GPR143: variants seen among roughly 807,000 people sequenced by gnomAD.
GPR143 encodes the protein G-protein coupled receptor 143.
Under a neutral mutation model 27.6 loss-of-function variants are expected in GPR143, and 8 were observed. That is an observed-to-expected ratio of 0.29 (90% CI 0.17 to 0.52). The LOEUF is 0.52. Among genes scored for constraint, GPR143 ranks in the 20% least tolerant of loss-of-function variants. GPR143 has a pLI of 0.96. For synonymous variants in GPR143, 156 were observed against 153.2 expected, an observed-to-expected ratio of 1.02 and a Z score of -0.13; for missense variants, 303 against 343.1, an observed-to-expected ratio of 0.88 and a Z score of 0.92.
rs144226732 is a variant in GPR143, at chrX:9,760,769, G to A, written c.308C>T (p.Ser103Leu). ...CCAAATTTCCGTGTGGTTCATATCC[G>A]AGACGCTGTCAACAAAATTTGGGAA... is the stretch of plus-strand genomic sequence containing the variant. Reference protein sequence around the residue: ...LGFPNFVDSVSDMNHTEIWPA... With the variant: ...LGFPNFVDSVLDMNHTEIWPA... The change falls in exon 2 of 9, where the codon TCG becomes TTG. Residue 103 changes from serine (S) to leucine (L), a missense_variant. Physicochemically the swap from Ser to Leu is moderately radical, Grantham distance 145 (BLOSUM62 -2). Coordinates refer to ENST00000467482, the MANE Select transcript of GPR143 (RefSeq NM_000273.3). 16 of 1,197,593 alleles carry A rather than the reference G, an allele frequency of 1.3e-5. No homozygotes were observed. Among genetic ancestry groups the A allele is most frequent in the East Asian group, 1.2e-4 (4 of 33,664 alleles).
chrX:9,751,370 T>C (rs901864938), intron 3 of GPR143, among the ~76,000 whole-genome samples: 3 of 112,563 alleles, frequency 2.7e-5, no homozygotes, highest in Non-Finnish European at 5.6e-5. Flanking sequence ...GGTGGAGACA[T>C]GTACTGGACC....
intron 8 of GPR143, among the ~76,000 whole-genome samples, chrX:9,736,607 A>G (rs2083380512): frequency 9.0e-6 from 1 of 111,434 alleles, no homozygotes; most frequent in Non-Finnish European, 1.9e-5. Context: ...ACTTTTGCAG[A>G]TGTTTGTTGT....
At chrX:9,726,060 T>C in intron 8 of GPR143, 1 of 631,577 alleles carries the variant, frequency 1.6e-6, no homozygotes, top group South Asian at 8.3e-5. Context: ...ATTAAATCAT[T>C]ACAACGGATG....
At chrX:9,776,863 C>A (rs2083572553) in intron 1 of GPR143, among the ~76,000 whole-genome samples, 2 of 111,495 alleles carry the variant, frequency 1.8e-5, no homozygotes, top group African/African-American at 6.5e-5. Flanking sequence ...CACCACCATG[C>A]CTGGCTAATT....
chrX:9,760,969 G>A, intron 1 of GPR143, 143 bp from the exon 2 acceptor site: 4 of 433,628 alleles, frequency 9.2e-6, no homozygotes, highest in Admixed American at 3.5e-5. Flanking sequence ...GAGGGAGGGA[G>A]AGAGGGAGGG....
chrX:9,754,532 C>T (rs2083465261), intron 3 of GPR143, among the ~76,000 whole-genome samples: 3 of 111,785 alleles, frequency 2.7e-5, no homozygotes, highest in South Asian at 7.5e-4. Context: ...AAACCCACAC[C>T]GGGGCAGAAG....
chrX:9,753,674 G>A (rs780551833), intron 3 of GPR143, among the ~76,000 whole-genome samples: 11 of 111,258 alleles, frequency 9.9e-5, no homozygotes, highest in Admixed American at 4.8e-4. Flanking sequence ...GGCCCTCACA[G>A]CCCCCCAGCG....
Position 9,725,675 on chromosome X carries a change from G to A in GPR143, c.*71C>T. On this transcript the variant is annotated 3_prime_UTR_variant, in exon 9 of 9. Transcript: ENST00000467482. ...CGGCAGTGCAGTGTTGGGAAGGTGA[G>A]AACACAGTTCTAAAGAACAAGAATT... 1.2e-6 allele frequency: 1 copy of A among 823,002 alleles called. No individual in the cohort carries two copies. The highest frequency in any genetic ancestry group is 1.8e-6 in the Non-Finnish European group (1 of 550,284). The allele number at this position is 823,002 out of a possible 1,213,427, so 67.8% of individuals were successfully genotyped here. A position where few individuals can be genotyped will look rare whatever the true frequency, so the allele number is the denominator to read the frequency against.
intron 1 of GPR143, among the ~76,000 whole-genome samples, chrX:9,778,134 G>A (rs147241194): frequency 2.4e-3 from 263 of 111,765 alleles, no homozygotes; most frequent in African/African-American, 8.2e-3. Context: ...TGAAGCAAGC[G>A]GCTTACAAGA....
At chrX:9,759,846 C>T (rs1236470376) in intron 2 of GPR143, among the ~76,000 whole-genome samples, 2 of 111,026 alleles carry the variant, frequency 1.8e-5, no homozygotes, top group Non-Finnish European at 3.8e-5. Flanking sequence ...CAAGATGTCT[C>T]GCCACTGCGG....
At chrX:9,753,572 A>T (rs970774369) in intron 3 of GPR143, among the ~76,000 whole-genome samples, 1 of 111,000 alleles carries the variant, frequency 9.0e-6, no homozygotes, top group African/African-American at 3.3e-5. Flanking sequence ...ATCCTCTGGC[A>T]TGGAAGCGAA....
At chrX:9,743,882 A>T (rs1282650087) in intron 5 of GPR143, among the ~76,000 whole-genome samples, 1 of 112,789 alleles carries the variant, frequency 8.9e-6, no homozygotes, top group Non-Finnish European at 1.9e-5. Context: ...CTGCTTTGAA[A>T]TAATTTTAGA....
chrX:9,764,545 G>C (rs959831021), intron 1 of GPR143, among the ~76,000 whole-genome samples: 15 of 106,091 alleles, frequency 1.4e-4, no homozygotes, highest in African/African-American at 3.5e-4. Context: ...CACACACACA[G>C]AGCGAGACAG....
In GPR143 at chrX:9,726,570, T is replaced by C. The variant is rs540794375; in HGVS notation, c.1121-730A>G. Among the ~76,000 whole-genome samples, 3 of 112,235 alleles carry C rather than the reference T, an allele frequency of 2.7e-5. No homozygotes were observed. In the Admixed American group the frequency reaches 2.8e-4, roughly 11 times the overall value. On this transcript the variant is annotated intron_variant, in intron 8 of 8. Transcript: ENST00000467482. ...TATTTTTGTAAATACCAGAATATAT[T>C]TGTCCAAATATGCTCAGCATTCCCT...
chrX:9,760,574 A>G, intron 2 of GPR143, 143 bp downstream of exon 2: 1 of 472,892 alleles, frequency 2.1e-6, no homozygotes, highest in Admixed American at 3.1e-5. Context: ...GTTTTGTTAA[A>G]ACAGAGAGGG....
chrX:9,766,428 A>G (rs753240953), upstream of GPR143, among the ~76,000 whole-genome samples: 159 of 112,103 alleles, frequency 1.4e-3, 1 homozygote, highest in Non-Finnish European at 1.7e-3. Flanking sequence ...TGAATGAAAC[A>G]AACAGATCAA....
intron 8 of GPR143, among the ~76,000 whole-genome samples, chrX:9,726,211 CTTG>C (rs1365006976): frequency 1.8e-5 from 2 of 110,744 alleles, no homozygotes; most frequent in African/African-American, 6.6e-5. Flanking sequence ...AGAACACACT[CTTG>C]TGACCACTGG....
At chrX:9,742,428 C>T (rs926486163) in intron 6 of GPR143, among the ~76,000 whole-genome samples, 1 of 111,273 alleles carries the variant, frequency 9.0e-6, no homozygotes, top group Non-Finnish European at 1.9e-5. Flanking sequence ...GCCACCATTC[C>T]TGGCTAATTG....
upstream of GPR143, among the ~76,000 whole-genome samples, chrX:9,767,531 C>T (rs1026435444): frequency 4.5e-5 from 5 of 110,949 alleles, no homozygotes; most frequent in Non-Finnish European, 7.6e-5. Context: ...AGAAGGCAGG[C>T]GGGAGGCTCC....
Sources: gnomAD v4.1 joint callset for allele counts (sites outside exome capture counted in the v4.1 genomes callset) on GRCh38, gnomAD v4.1.1 for gene constraint, MANE v1.5 for transcripts, NCBI Gene and HGNC (gene_info 2026-07-23, HGNC 2026-07-21) for gene names.